ADAM23: variants seen among roughly 807,000 people sequenced by gnomAD.
The protein encoded by ADAM23 is ADAM metallopeptidase domain 23.
Under a neutral mutation model 120.1 loss-of-function variants are expected in ADAM23, and 33 were observed. The observed-to-expected ratio is 0.27, with a 90% CI of 0.21 to 0.37. The LOEUF is 0.37. Among genes scored for constraint, ADAM23 ranks in the 10% least tolerant of loss-of-function variants. The pLI, the probability that ADAM23 is intolerant of heterozygous loss-of-function variation, is 1.00. For missense variants in ADAM23, 862 were observed against 1,058.2 expected, an observed-to-expected ratio of 0.81 and a Z score of 2.57; for synonymous variants, 367 against 375.2, an observed-to-expected ratio of 0.98 and a Z score of 0.25.
At chr2:206,605,890 C>A in intron 24 of ADAM23, 1 of 661,804 alleles carries the variant, frequency 1.5e-6, no homozygotes. Flanking sequence ...AGTAAGCATC[C>A]TTGCCAGTTT....
At chr2:206,581,104 T>G (rs1346404274) in intron 18 of ADAM23, among the ~76,000 whole-genome samples, 1 of 152,214 alleles carries the variant, frequency 6.6e-6, no homozygotes, top group African/African-American at 2.4e-5. Flanking sequence ...TTTTCTCTCT[T>G]CTTTTCTTGG....
At chr2:206,497,425 A>G (rs1323053479) in intron 3 of ADAM23, among the ~76,000 whole-genome samples, 1 of 152,256 alleles carries the variant, frequency 6.6e-6, no homozygotes, top group Non-Finnish European at 1.5e-5. Flanking sequence ...CAATAGATGC[A>G]GAAAAGGCCT....
At chr2:206,575,011 A>G (rs1292730652) in intron 18 of ADAM23, among the ~76,000 whole-genome samples, 1 of 152,184 alleles carries the variant, frequency 6.6e-6, no homozygotes, top group Admixed American at 6.5e-5. Context: ...AGTAAATAAA[A>G]AATCAGATGG....
intron 2 of ADAM23, among the ~76,000 whole-genome samples, chr2:206,474,827 A>G (rs1695742782): frequency 6.6e-6 from 1 of 152,114 alleles, no homozygotes; most frequent in Admixed American, 6.6e-5. Flanking sequence ...CTCCTGCCTT[A>G]GCCTCTCAAA....
rs78852296 is a variant in ADAM23 at position 206,618,088 on chromosome 2, T to C, written c.*461T>C. ...CATGAAGATCTAATTTTCAAAAGGGTAAAAACTGCATGGCATATATACAAC... is the reference window on the plus strand; with the variant it reads ...CATGAAGATCTAATTTTCAAAAGGGCAAAAACTGCATGGCATATATACAAC... On this transcript the variant is annotated 3_prime_UTR_variant, in exon 26 of 26. Coordinates refer to ENST00000264377, the MANE Select transcript of ADAM23 (RefSeq NM_003812.4). The C allele has an allele frequency of 6.4e-6, 1 of 156,356 alleles. No homozygotes were observed. Among genetic ancestry groups the C allele is most frequent in the East Asian group, 1.9e-4 (1 of 5,278 alleles). The allele number at this position is 156,356 out of a possible 1,614,324, so 9.7% of individuals were successfully genotyped here. A position where few individuals can be genotyped will look rare whatever the true frequency, so the allele number is the denominator to read the frequency against.
At chr2:206,476,091 C>G (rs574097607) in intron 2 of ADAM23, among the ~76,000 whole-genome samples, 2 of 152,232 alleles carry the variant, frequency 1.3e-5, no homozygotes, top group East Asian at 3.9e-4. Context: ...CTCTAATGCC[C>G]TCTTTCCTGA....
intron 3 of ADAM23, among the ~76,000 whole-genome samples, chr2:206,510,540 C>T (rs1327829141): frequency 6.6e-6 from 1 of 152,154 alleles, no homozygotes; most frequent in Non-Finnish European, 1.5e-5. Context: ...TAACTGGGCC[C>T]ATCATGGGTC....
intron 3 of ADAM23, among the ~76,000 whole-genome samples, chr2:206,508,758 C>T (rs1207047949): frequency 6.6e-6 from 1 of 152,034 alleles, no homozygotes; most frequent in Non-Finnish European, 1.5e-5. Context: ...ACATAGCATG[C>T]ATTGAGGTAC....
At chr2:206,546,052 CTATTGTTATAA>C (rs1466081657) in intron 6 of ADAM23, among the ~76,000 whole-genome samples, 1 of 152,072 alleles carries the variant, frequency 6.6e-6, no homozygotes, top group Non-Finnish European at 1.5e-5. Context: ...TAAATATAAA[CTATTGTTATAA>C]TGTTTAAAGC....
intron 2 of ADAM23, among the ~76,000 whole-genome samples, chr2:206,479,025 TGTGTCCCAGCTATCTTTATATGCAAA>T (rs2105876152): frequency 6.6e-6 from 1 of 152,348 alleles, no homozygotes; most frequent in East Asian, 1.9e-4. Flanking sequence ...GGGCGGAAGC[TGTGTCCCAGCTATCTTTATATGCAAA>T]GCAGGACTTA....
intron 2 of ADAM23, among the ~76,000 whole-genome samples, chr2:206,465,166 G>A (rs1451743216): frequency 2.6e-5 from 4 of 152,210 alleles, no homozygotes; most frequent in South Asian, 4.1e-4. Flanking sequence ...AGCCTCTTGC[G>A]TAGCTAGGAC....
chr2:206,459,829 C>T (rs985445982), intron 2 of ADAM23, among the ~76,000 whole-genome samples: 5 of 152,196 alleles, frequency 3.3e-5, no homozygotes, highest in Non-Finnish European at 7.3e-5. Context: ...TTCTCTTCCT[C>T]TCAAGCATCA....
At chr2:206,458,850 T>A (rs1219406421) in intron 2 of ADAM23, among the ~76,000 whole-genome samples, 2 of 152,164 alleles carry the variant, frequency 1.3e-5, no homozygotes, top group African/African-American at 4.8e-5. Context: ...TTTCTGGCTT[T>A]GGAATGAAAT....
intron 9 of ADAM23, among the ~76,000 whole-genome samples, chr2:206,554,673 A>G: frequency 6.6e-6 from 1 of 152,090 alleles, no homozygotes; most frequent in East Asian, 1.9e-4. Flanking sequence ...TCCTCCCTCA[A>G]CCTAGAGACT....
chr2:206,476,041 A>G (rs2105873128), intron 2 of ADAM23, among the ~76,000 whole-genome samples: 1 of 152,296 alleles, frequency 6.6e-6, no homozygotes, highest in South Asian at 2.1e-4. Flanking sequence ...ATGTTAGAAT[A>G]AACAGAGAAG....
intron 3 of ADAM23, among the ~76,000 whole-genome samples, chr2:206,485,467 T>G (rs1444431669): frequency 1.3e-5 from 2 of 152,036 alleles, no homozygotes; most frequent in East Asian, 3.9e-4. Flanking sequence ...CACATAAAGG[T>G]GTTACCATAA....
At chr2:206,595,471 T>A (rs761969719) in intron 23 of ADAM23, among the ~76,000 whole-genome samples, 4 of 148,332 alleles carry the variant, frequency 2.7e-5, no homozygotes, top group Non-Finnish European at 5.9e-5. Context: ...TACCAAGGAC[T>A]AGGGGTGTGG....
At chr2:206,544,280 G>A (rs929753901) in intron 6 of ADAM23, among the ~76,000 whole-genome samples, 4 of 152,132 alleles carry the variant, frequency 2.6e-5, no homozygotes, top group African/African-American at 9.7e-5. Flanking sequence ...TTTACAGATA[G>A]GGAAGAAAAT....
At chr2:206,468,345 G>A (rs1342518428) in intron 2 of ADAM23, among the ~76,000 whole-genome samples, 1 of 152,130 alleles carries the variant, frequency 6.6e-6, no homozygotes, top group Non-Finnish European at 1.5e-5. Context: ...ATGAGCATAA[G>A]TTGTTTGAAG....
Sources: gnomAD v4.1 joint callset for allele counts (sites outside exome capture counted in the v4.1 genomes callset) on GRCh38, gnomAD v4.1.1 for gene constraint, MANE v1.5 for transcripts, NCBI Gene and HGNC (gene_info 2026-07-23, HGNC 2026-07-21) for gene names.